ZNRF1: variants seen among roughly 807,000 people sequenced by gnomAD.
ZNRF1 encodes zinc and ring finger 1, also known as E3 ubiquitin-protein ligase ZNRF1.
ZNRF1 carries 3 observed loss-of-function variants against 18.4 expected under a neutral mutation model. The ratio of observed to expected loss-of-function variants is 0.16; its 90% CI spans 0.07 to 0.42. ZNRF1 has a LOEUF of 0.42. Ranked by LOEUF, ZNRF1 falls within the 10% of genes least tolerant of loss-of-function variation. ZNRF1 has a pLI of 0.99. For missense variants in ZNRF1, 310 were observed against 329.8 expected, an observed-to-expected ratio of 0.94 and a Z score of 0.47; for synonymous variants, 157 against 144.2, an observed-to-expected ratio of 1.09 and a Z score of -0.64.
At chr16:75,034,777 C>T (rs532319033) in intron 1 of ZNRF1, among the ~76,000 whole-genome samples, 36 of 152,042 alleles carry the variant, frequency 2.4e-4, no homozygotes, top group African/African-American at 7.7e-4. Context: ...CAGGTGTGCA[C>T]CACTATACCT....
intron 1 of ZNRF1, among the ~76,000 whole-genome samples, chr16:75,071,663 A>C (rs1011534709): frequency 1.3e-5 from 2 of 152,198 alleles, no homozygotes; most frequent in Non-Finnish European, 2.9e-5. Context: ...AACAGACTCC[A>C]GTGCTTGATG....
At chr16:75,020,996 C>T (rs1333221668) in intron 1 of ZNRF1, among the ~76,000 whole-genome samples, 2 of 152,194 alleles carry the variant, frequency 1.3e-5, no homozygotes, top group Non-Finnish European at 2.9e-5. Flanking sequence ...CACAGTTTGT[C>T]TTACACATTG....
intron 1 of ZNRF1, among the ~76,000 whole-genome samples, chr16:75,039,658 A>G (rs1199116692): frequency 1.3e-5 from 2 of 152,184 alleles, no homozygotes; most frequent in Non-Finnish European, 2.9e-5. Flanking sequence ...CTGGTCCTGG[A>G]GCTTTTAGGA....
intron 3 of ZNRF1, 162 bp downstream of exon 3, chr16:75,105,051 C>T (rs969111063): frequency 2.4e-5 from 14 of 593,150 alleles, no homozygotes; most frequent in Admixed American, 1.1e-4. Context: ...TCCACTGTGC[C>T]GGCGGGAAGG....
intron 1 of ZNRF1, among the ~76,000 whole-genome samples, chr16:75,031,024 G>C (rs1001428736): frequency 1.3e-5 from 2 of 151,618 alleles, no homozygotes; most frequent in African/African-American, 4.8e-5. Context: ...TTTTAGTAGA[G>C]ATGGGGTTTC....
intron 2 of ZNRF1, among the ~76,000 whole-genome samples, chr16:75,095,946 A>G (rs1163667798): frequency 6.6e-6 from 1 of 152,200 alleles, no homozygotes; most frequent in East Asian, 1.9e-4. Context: ...GAGATTGGCC[A>G]GCCAGCCTGA....
At chr16:75,074,254 A>C (rs2035910649) in intron 1 of ZNRF1, among the ~76,000 whole-genome samples, 1 of 152,242 alleles carries the variant, frequency 6.6e-6, no homozygotes, top group East Asian at 1.9e-4. Context: ...GGCCGGCATA[A>C]GTGGCTTCTC....
intron 1 of ZNRF1, among the ~76,000 whole-genome samples, chr16:75,004,187 A>C (rs1441082146): frequency 6.6e-6 from 1 of 152,048 alleles, no homozygotes; most frequent in Non-Finnish European, 1.5e-5. Context: ...GTAGCCCCCA[A>C]ATGGAATCTG....
intron 1 of ZNRF1, among the ~76,000 whole-genome samples, chr16:75,003,638 G>A (rs572885648): frequency 5.3e-5 from 8 of 152,250 alleles, no homozygotes; most frequent in African/African-American, 1.7e-4. Flanking sequence ...ACCCTCTTCC[G>A]CCTCTTATCT....
chr16:75,092,895 A>T (rs1248859277), intron 1 of ZNRF1, among the ~76,000 whole-genome samples: 5 of 152,112 alleles, frequency 3.3e-5, no homozygotes, highest in Admixed American at 3.3e-4. Flanking sequence ...AGAATGTTAA[A>T]CTGTTATGCA....
chr16:75,036,075 TG>T (rs1375077581), intron 1 of ZNRF1, among the ~76,000 whole-genome samples: 1 of 152,066 alleles, frequency 6.6e-6, no homozygotes, highest in Non-Finnish European at 1.5e-5. Context: ...CATTCCTGGT[TG>T]GGGGTGTGAG....
intron 2 of ZNRF1, among the ~76,000 whole-genome samples, chr16:75,097,845 G>A (rs1337991669): frequency 6.6e-6 from 1 of 152,212 alleles, no homozygotes; most frequent in Non-Finnish European, 1.5e-5. Flanking sequence ...AAAAATGTGA[G>A]AGGACCTGGC....
rs2036345118 is a variant in ZNRF1 at position 75,108,648 on chromosome 16, G to GA, written c.*949dup. ...GTTTAAAAAAATGTTCAAAGCTTGG[G>GA]AGAAAAGCTTTCTTCATTAGTCAAG... On this transcript the variant is annotated 3_prime_UTR_variant, in exon 5 of 5. Transcript: ENST00000335325. 5.0e-6 allele frequency: 2 copies of GA among 398,710 alleles called. No homozygotes were observed. Among genetic ancestry groups the GA allele is most frequent in the African/African-American group, 4.1e-5 (2 of 48,614 alleles). The allele number at this position is 398,710 out of a possible 1,614,324, so 24.7% of individuals were successfully genotyped here. A position where few individuals can be genotyped will look rare whatever the true frequency, so the allele number is the denominator to read the frequency against.
intron 1 of ZNRF1, among the ~76,000 whole-genome samples, chr16:75,082,484 T>A (rs1365472736): frequency 6.6e-6 from 1 of 152,224 alleles, no homozygotes; most frequent in Non-Finnish European, 1.5e-5. Context: ...ATGCACACAG[T>A]GTGCAGTCCT....
In ZNRF1 at chr16:74,999,078, G is replaced by A. The variant is rs1243375941; in HGVS notation, c.-594G>A. 1 of 149,666 alleles carries A rather than the reference G, an allele frequency of 6.7e-6. No homozygotes were observed. The highest frequency in any genetic ancestry group is 2.4e-5 in the African/African-American group (1 of 41,140). 9.3% of individuals were successfully genotyped at this position (149,666 alleles called of 1,614,324 possible). ...CGAGCGCAGCCCGGGACCGAGCGGGGCGGCGCGGCTGGCGGGGCCGGCGGC... is the reference window on the plus strand; with the variant it reads ...CGAGCGCAGCCCGGGACCGAGCGGGACGGCGCGGCTGGCGGGGCCGGCGGC... On this transcript the variant is annotated 5_prime_UTR_variant, in exon 1 of 5. Transcript: ENST00000335325.
chr16:75,031,053 G>A (rs566001702), intron 1 of ZNRF1, among the ~76,000 whole-genome samples: 57 of 151,330 alleles, frequency 3.8e-4, no homozygotes, highest in African/African-American at 1.2e-3. Flanking sequence ...AACCAGGCTC[G>A]TCTTGAACGC....
intron 2 of ZNRF1, 137 bp downstream of exon 2, chr16:75,093,804 G>A: frequency 1.5e-6 from 1 of 647,586 alleles, no homozygotes; most frequent in Non-Finnish European, 2.8e-6. Flanking sequence ...CTCAGTGGTG[G>A]TGAGGAAGTG....
intron 1 of ZNRF1, among the ~76,000 whole-genome samples, chr16:75,070,225 C>T (rs2035853520): frequency 6.6e-6 from 1 of 152,154 alleles, no homozygotes; most frequent in African/African-American, 2.4e-5. Context: ...AGCATAGGGA[C>T]CTTCATGTTT....
chr16:74,999,933 G>C lies in ZNRF1; in HGVS notation c.262G>C (p.Gly88Arg), dbSNP rs763411299. 1.3e-6 allele frequency: 2 copies of C among 1,564,082 alleles called. No individual in the cohort carries two copies. Among genetic ancestry groups the C allele is most frequent in the South Asian group, 2.3e-5 (2 of 85,362 alleles). ...CGGCGACTCCGAGAGGGCGCCCGGC[G>C]GCGGAGGGTCTGCGTCCGACTCCAC... ...GTGDSERAPG[G>R]GGSASDSTYA... Residue 88 changes from glycine to arginine, a missense_variant, in exon 1 of 5, where the codon GGC becomes CGC. Gly to Arg is a moderately radical substitution (Grantham distance 125). Coordinates refer to ENST00000335325, the MANE Select transcript of ZNRF1 (RefSeq NM_032268.5).
Sources: gnomAD v4.1 joint callset for allele counts (sites outside exome capture counted in the v4.1 genomes callset) on GRCh38, gnomAD v4.1.1 for gene constraint, MANE v1.5 for transcripts, NCBI Gene and HGNC (gene_info 2026-07-23, HGNC 2026-07-21) for gene names.